IMPA1: variants seen among roughly 807,000 people sequenced by gnomAD.
IMPA1 encodes D-galactose 1-phosphate phosphatase.
A neutral mutation model predicts 34.9 loss-of-function variants in IMPA1; 21 were observed. That is an observed-to-expected ratio of 0.60 (90% CI 0.43 to 0.87). The LOEUF (loss-of-function observed/expected upper bound fraction) is 0.87. IMPA1 is among the 40% of genes least tolerant of loss of function. IMPA1 has a pLI of 0.00. For missense variants in IMPA1, 299 were observed against 336.4 expected (o/e 0.89, Z 0.87); for synonymous variants, 95 against 104.4 (o/e 0.91, Z 0.55).
At chr8:81,667,893 G>A (rs536270888) in intron 7 of IMPA1, among the ~76,000 whole-genome samples, 25 of 150,536 alleles carry the variant, frequency 1.7e-4, no homozygotes, top group South Asian at 8.4e-4. Context: ...ACACGATCTC[G>A]GCTCACTGCA....
chr8:81,660,773 C>A, intron 7 of IMPA1, 106 bp from the exon 8 acceptor site: 1 of 755,810 alleles, frequency 1.3e-6, no homozygotes, highest in Non-Finnish European at 2.0e-6. Flanking sequence ...TTGGAACGAT[C>A]TAGAGGATAA....
In IMPA1 at chr8:81,658,362, GTTAA is replaced by G. The variant is rs1806575786; in HGVS notation, c.*985_*988del. On this transcript the variant is annotated 3_prime_UTR_variant, in exon 9 of 9. Transcript: ENST00000256108. ...CTGAACAGAATCCAGCGGCAATGAA[GTTAA>G]TTAAATAAGAAGACTAAGAGAAAAA... The G allele has an allele frequency of 6.6e-6, 1 of 152,142 alleles. No homozygotes were observed. The highest frequency in any genetic ancestry group is 2.1e-4 in the South Asian group (1 of 4,832). 9.4% of individuals were successfully genotyped at this position (152,142 alleles called of 1,614,324 possible). A position where few individuals can be genotyped will look rare whatever the true frequency, so the allele number is the denominator to read the frequency against.
At chr8:81,669,439 T>C (rs1476641954) in intron 7 of IMPA1, among the ~76,000 whole-genome samples, 1 of 152,218 alleles carries the variant, frequency 6.6e-6, no homozygotes, top group East Asian at 1.9e-4. Context: ...AGTGTCTCCA[T>C]GAGGTGGTAC....
intron 1 of IMPA1, among the ~76,000 whole-genome samples, chr8:81,685,024 T>C: frequency 7.3e-6 from 1 of 136,910 alleles, no homozygotes; most frequent in Admixed American, 7.6e-5. Flanking sequence ...CGTAAGTATA[T>C]TTAGATACTA....
At chr8:81,671,677 C>G (rs1806992047) in intron 6 of IMPA1, among the ~76,000 whole-genome samples, 1 of 151,948 alleles carries the variant, frequency 6.6e-6, no homozygotes, top group Non-Finnish European at 1.5e-5. Flanking sequence ...GCAGGCAGAT[C>G]ACGAGGTCAG....
intron 6 of IMPA1, among the ~76,000 whole-genome samples, chr8:81,672,751 G>A (rs1339318212): frequency 6.6e-6 from 1 of 152,104 alleles, no homozygotes; most frequent in Non-Finnish European, 1.5e-5. Flanking sequence ...AGAGAAGAAA[G>A]AACTTAAATT....
At chr8:81,681,395 C>A in intron 2 of IMPA1, 103 bp downstream of exon 2, 2 of 730,434 alleles carry the variant, frequency 2.7e-6, no homozygotes, top group South Asian at 3.2e-5. Context: ...AAGACCGTTT[C>A]AAAAAAAGAA....
chr8:81,676,499 A>C (rs1807134671), intron 4 of IMPA1, among the ~76,000 whole-genome samples: 1 of 152,080 alleles, frequency 6.6e-6, no homozygotes, highest in South Asian at 2.1e-4. Flanking sequence ...TCCCCCCAAC[A>C]CACAGGCACA....
At position 81,657,570 on chromosome 8, in the gene IMPA1, G is replaced by C. The variant is rs1271837806; in HGVS notation, c.*1781C>G. Among the ~76,000 whole-genome samples, 1 of 151,990 alleles carries C rather than the reference G, an allele frequency of 6.6e-6. No homozygotes were observed. Among genetic ancestry groups the C allele is most frequent in the Admixed American group, 6.6e-5 (1 of 15,242 alleles). On this transcript the variant is annotated 3_prime_UTR_variant, in exon 9 of 9. Transcript: ENST00000256108. ...CATTACTGTTTGAGCAGAAGAGCAAGACACTGTCTTCAAAAAACAAAAACA... is the reference window on the plus strand; with the variant it reads ...CATTACTGTTTGAGCAGAAGAGCAACACACTGTCTTCAAAAAACAAAAACA...
chr8:81,679,355 T>A (rs1045477192), intron 3 of IMPA1, 125 bp from the exon 4 acceptor site: 50 of 672,234 alleles, frequency 7.4e-5, no homozygotes, highest in Middle Eastern at 2.6e-4. Context: ...GGTTCACGCC[T>A]GTAATCCCAG....
chr8:81,680,538 T>C (rs943443881), intron 3 of IMPA1, 112 bp downstream of exon 3: 9 of 767,370 alleles, frequency 1.2e-5, no homozygotes, highest in Admixed American at 2.9e-5. Context: ...ACTTTGACTG[T>C]AACTTCATGG....
chr8:81,679,053 C>A (rs1807214754), intron 4 of IMPA1, 73 bp downstream of exon 4: 1 of 913,734 alleles, frequency 1.1e-6, no homozygotes, highest in South Asian at 1.4e-5. Context: ...TGTACATGTT[C>A]CTAAATAGAG....
Position 81,681,597 on chromosome 8 carries a change from G to A in IMPA1, c.-24-13C>T, listed in dbSNP as rs1158426443. On this transcript the variant is annotated splice_polypyrimidine_tract_variant and intron_variant, in intron 1 of 8. Transcript: ENST00000256108. ...ATTTGACAAATATCTGTACAAAGTA[G>A]TTATAACTGTCTTAGAAGTCTTAAT... 19 of 1,443,838 alleles carry A rather than the reference G, an allele frequency of 1.3e-5. No individual in the cohort carries two copies. In the East Asian group the frequency reaches 4.1e-4, roughly 31 times the overall value. The allele number at this position is 1,443,838 out of a possible 1,614,324, so 89.4% of individuals were successfully genotyped here.
At chr8:81,681,431 G>T in intron 2 of IMPA1, 67 bp downstream of exon 2, 1 of 869,502 alleles carries the variant, frequency 1.2e-6, no homozygotes, top group Non-Finnish European at 1.9e-6. Context: ...ACAAAACAAG[G>T]CAACAACACA....
chr8:81,671,221 A>G (rs1038633479), intron 6 of IMPA1, among the ~76,000 whole-genome samples, 174 bp from the exon 7 acceptor site: 3 of 152,206 alleles, frequency 2.0e-5, no homozygotes, highest in Non-Finnish European at 2.9e-5. Flanking sequence ...TTTTATAAGC[A>G]TCAGAGTCCA....
At chr8:81,672,147 T>C (rs530925786) in intron 6 of IMPA1, among the ~76,000 whole-genome samples, 167 of 152,266 alleles carry the variant, frequency 1.1e-3, no homozygotes, top group Middle Eastern at 6.8e-3. Flanking sequence ...GGTATAAAAG[T>C]CTAGAAAGAT....
At chr8:81,660,720 G>C in intron 7 of IMPA1, 53 bp from the exon 8 acceptor site, 2 of 1,449,348 alleles carry the variant, frequency 1.4e-6, no homozygotes, top group East Asian at 2.3e-5. Context: ...TTTCAAGTAA[G>C]ATATTCCTCC....
chr8:81,678,772 C>A, intron 4 of IMPA1: 1 of 218,640 alleles, frequency 4.6e-6, no homozygotes, highest in Non-Finnish European at 9.4e-6. Context: ...ATGGTACATG[C>A]CACTCAAAGA....
chr8:81,668,045 G>C (rs1355050603), intron 7 of IMPA1, among the ~76,000 whole-genome samples: 1 of 151,954 alleles, frequency 6.6e-6, no homozygotes, highest in African/African-American at 2.4e-5. Flanking sequence ...GGATGGTCTC[G>C]ATCTCCTGAC....
Sources: gnomAD v4.1 joint callset for allele counts (sites outside exome capture counted in the v4.1 genomes callset) on GRCh38, gnomAD v4.1.1 for gene constraint, MANE v1.5 for transcripts, NCBI Gene and HGNC (gene_info 2026-07-23, HGNC 2026-07-21) for gene names.